Variants in CCNJL observed in about 807,000 individuals in gnomAD.
CCNJL encodes cyclin J like.
CCNJL carries 33 observed loss-of-function variants against 33.4 expected under a neutral mutation model. The ratio of observed to expected loss-of-function variants is 0.99; its 90% confidence interval spans 0.75 to 1.32. The LOEUF is 1.32. Among genes scored for constraint, CCNJL ranks in the 40% most tolerant of loss-of-function variants. The pLI, the probability that CCNJL is intolerant of heterozygous loss-of-function variation, is 0.00. For missense variants in CCNJL, 512 were observed against 499.7 expected, an observed-to-expected ratio of 1.02 and a Z score of -0.23; for synonymous variants, 227 against 220.9, an observed-to-expected ratio of 1.03 and a Z score of -0.24.
At chr5:160,326,486 C>CAAAAAAA (rs11461365) in intron 1 of CCNJL, among the ~76,000 whole-genome samples, 6 of 57,638 alleles carry the variant, frequency 1.0e-4, no homozygotes, top group African/African-American at 3.0e-4. Flanking sequence ...ACTCTGTCTC[C>CAAAAAAA]AAAAAAAAAA....
rs1760799500 is a variant in CCNJL, at chr5:160,251,444, G to A, written c.*1934C>T. The A allele has an allele frequency of 1.3e-5, 2 of 152,324 alleles. No individual in the cohort carries two copies. Among genetic ancestry groups the A allele is most frequent in the African/African-American group, 4.8e-5 (2 of 41,572 alleles). 9.4% of individuals were successfully genotyped at this position (152,324 alleles called of 1,614,324 possible). A position where few individuals can be genotyped will look rare whatever the true frequency, so the allele number is the denominator to read the frequency against. On this transcript the variant is annotated 3_prime_UTR_variant, in exon 6 of 6. Transcript: ENST00000257536. ...TTGGAAAAACCCTGAGACGGTGATG[G>A]AGCTGGGGTGTCAAGCCTTATACAC...
At position 160,259,713 on chromosome 5, in the gene CCNJL, C is replaced by A; in HGVS notation, c.339G>T (p.Arg113Ser). 6.2e-7 allele frequency: 1 copy of A among 1,614,006 alleles called. No homozygotes were observed. Residue 113 changes from arginine to serine, a missense_variant, in exon 4 of 6, where the codon AGG (arginine) becomes AGT (serine). Coordinates refer to ENST00000257536, the MANE Select transcript of CCNJL (RefSeq NM_001308173.3). Reference protein sequence around the residue: ...VPKLEQINSTRILSSQNFTLT... With the variant: ...VPKLEQINSTSILSSQNFTLT... ...GGGTGAAGTTCTGGCTGCTCAGGAT[C>A]CTCGTGCTGTTTATTTGCTCCAACT...
chr5:160,295,917 C>T (rs140219315), intron 2 of CCNJL, among the ~76,000 whole-genome samples: 1 of 152,186 alleles, frequency 6.6e-6, no homozygotes, highest in African/African-American at 2.4e-5. Flanking sequence ...TCCTGTCTCA[C>T]CGAATCAGAA....
chr5:160,334,513 C>A (rs889380935), intron 1 of CCNJL, among the ~76,000 whole-genome samples: 1 of 152,186 alleles, frequency 6.6e-6, no homozygotes, highest in Middle Eastern at 3.2e-3. Context: ...TTAATCCTCA[C>A]GACAACCTTA....
chr5:160,274,055 C>A (rs567332203), intron 3 of CCNJL, among the ~76,000 whole-genome samples: 1 of 152,294 alleles, frequency 6.6e-6, no homozygotes, highest in East Asian at 1.9e-4. Flanking sequence ...TACACCAGAT[C>A]AAATTCAGAA....
chr5:160,312,285 C>T (rs1217635151), intron 1 of CCNJL, 79 bp downstream of exon 1: 6 of 327,122 alleles, frequency 1.8e-5, no homozygotes, highest in African/African-American at 1.1e-4. Flanking sequence ...GCCACAGGCT[C>T]GCCGTCCCCA....
chr5:160,255,394 C>A, intron 5 of CCNJL, 155 bp downstream of exon 5: 1 of 617,334 alleles, frequency 1.6e-6, no homozygotes, highest in Non-Finnish European at 2.9e-6. Flanking sequence ...CCCACTTCTA[C>A]CAGGAGTCAC....
chr5:160,337,417 A>C (rs1266916274), intron 1 of CCNJL, among the ~76,000 whole-genome samples: 2 of 152,080 alleles, frequency 1.3e-5, no homozygotes, highest in Non-Finnish European at 2.9e-5. Context: ...TTATAATTGA[A>C]ACCAGACTTC....
intron 3 of CCNJL, among the ~76,000 whole-genome samples, chr5:160,279,825 C>A (rs1762145811): frequency 6.6e-6 from 1 of 152,154 alleles, no homozygotes; most frequent in African/African-American, 2.4e-5. Flanking sequence ...CCTAAGACTG[C>A]CAGTAAACCA....
upstream of CCNJL, among the ~76,000 whole-genome samples, chr5:160,317,437 G>A (rs116066779): frequency 0.024 from 3,669 of 152,280 alleles, 121 homozygotes; most frequent in African/African-American, 0.081. Context: ...CCTGTGTTTT[G>A]TAAATGAAGT....
chr5:160,257,111 T>C (rs1332431508), intron 4 of CCNJL, among the ~76,000 whole-genome samples: 2 of 152,038 alleles, frequency 1.3e-5, no homozygotes, highest in Admixed American at 6.6e-5. Context: ...CAGGGCATGG[T>C]AGCTCTCACT....
At position 160,282,834 on chromosome 5, in the gene CCNJL, G is replaced by T. The variant is rs563081026; in HGVS notation, c.67-2096C>A. ...AAAATGTATATACAAGTGCTGGATA[G>T]GGGCAAACTGGAACCCTCATATACT... On this transcript the variant is annotated intron_variant, in intron 2 of 5. Coordinates refer to ENST00000257536, the MANE Select transcript of CCNJL (RefSeq NM_001308173.3). Among the ~76,000 whole-genome samples the T allele has an allele frequency of 1.8e-4, 27 of 151,220 alleles. No homozygotes were observed. The East Asian group carries it at 5.0e-3, about 28-fold the overall frequency.
chr5:160,276,119 G>T, intron 3 of CCNJL: 1 of 152,390 alleles, frequency 6.6e-6, no homozygotes, highest in Non-Finnish European at 1.5e-5. Flanking sequence ...TGAAGGCTGG[G>T]CACTGTGGCT....
At chr5:160,306,317 C>T (rs554182350) in intron 2 of CCNJL, among the ~76,000 whole-genome samples, 1 of 149,822 alleles carries the variant, frequency 6.7e-6, no homozygotes, top group South Asian at 2.1e-4. Flanking sequence ...CTGAAGTCCT[C>T]TGAGTGTGCA....
At chr5:160,263,878 AT>A (rs1236815499) in intron 3 of CCNJL, among the ~76,000 whole-genome samples, 5 of 151,762 alleles carry the variant, frequency 3.3e-5, no homozygotes, top group African/African-American at 1.2e-4. Flanking sequence ...ATATCATTCC[AT>A]CTACATTTTT....
chr5:160,287,874 G>A (rs750419148), intron 2 of CCNJL, among the ~76,000 whole-genome samples: 3 of 152,176 alleles, frequency 2.0e-5, no homozygotes, highest in Non-Finnish European at 4.4e-5. Context: ...CAGCAGAAAG[G>A]CTAGGGGGAG....
At chr5:160,333,868 G>A (rs573272870) in intron 1 of CCNJL, among the ~76,000 whole-genome samples, 3 of 152,266 alleles carry the variant, frequency 2.0e-5, no homozygotes, top group African/African-American at 7.2e-5. Context: ...GAAGAGCTGA[G>A]TTGGTGCCTT....
In CCNJL at chr5:160,253,661, G is replaced by A; in HGVS notation, c.881C>T (p.Thr294Ile). Residue 294 changes from threonine (T) to isoleucine (I), a missense_variant, in exon 6 of 6, where the codon ACC becomes ATC. Thr to Ile is a moderately conservative substitution (Grantham distance 89). Coordinates refer to ENST00000257536, the MANE Select transcript of CCNJL (RefSeq NM_001308173.3). Reference sequence around the variant, plus strand: ...CACGGGGGTCTGGAACTGTGCCAGGGTGGTCGCTGGCTGGCCGAGGGCCGG... The same window carrying A: ...CACGGGGGTCTGGAACTGTGCCAGGATGGTCGCTGGCTGGCCGAGGGCCGG... ...AYPALGQPATTLAQFQTPVQD... is the reference protein window; with the variant it reads ...AYPALGQPATILAQFQTPVQD... 1 of 1,610,326 alleles carries A rather than the reference G, an allele frequency of 6.2e-7. No homozygotes were observed. The highest frequency in any genetic ancestry group is 8.5e-7 in the Non-Finnish European group (1 of 1,177,464).
intron 3 of CCNJL, among the ~76,000 whole-genome samples, chr5:160,273,080 C>G (rs1221685184): frequency 6.6e-6 from 1 of 152,200 alleles, no homozygotes; most frequent in East Asian, 1.9e-4. Flanking sequence ...TTAGCAGTAA[C>G]CCAGCTGTGT....
Sources: allele counts gnomAD v4.1 joint callset (sites outside exome capture counted in the v4.1 genomes callset), GRCh38; gene constraint gnomAD v4.1.1; transcripts MANE v1.5; gene names NCBI Gene and HGNC (gene_info 2026-07-23, HGNC 2026-07-21).